Variants in COPS5 observed in about 807,000 individuals in gnomAD.
COPS5 encodes COP9 signalosome subunit 5.
In COPS5, 8 loss-of-function variants were observed where a neutral mutation model predicts 44.4. The observed-to-expected ratio is 0.18, with a 90% CI of 0.11 to 0.32. The LOEUF (loss-of-function observed/expected upper bound fraction) is 0.32, where lower values mean the gene tolerates loss of function less well. COPS5 is among the 10% of genes least tolerant of loss of function. The probability of loss-of-function intolerance (pLI) is 1.00; values close to 1 mark genes in which losing one functional copy is unlikely to be tolerated. For missense variants in COPS5, 159 were observed against 406.4 expected (o/e 0.39, Z 5.23); for synonymous variants, 122 against 142.8 (o/e 0.85, Z 1.04).
chr8:67,049,724 T>C (rs1364249426), intron 6 of COPS5, among the ~76,000 whole-genome samples: 1 of 152,178 alleles, frequency 6.6e-6, no homozygotes, highest in Non-Finnish European at 1.5e-5. Context: ...TGTACTCCTT[T>C]CAACCAATAC....
chr8:67,060,652 G>A, intron 1 of COPS5: 1 of 379,090 alleles, frequency 2.6e-6, no homozygotes, highest in Non-Finnish European at 4.7e-6. Flanking sequence ...CCAATAAGTA[G>A]GTCTTATTTC....
chr8:67,056,572 C>A lies in COPS5; in HGVS notation c.606G>T (p.Glu202Asp). Residue 202 changes from glutamate to aspartate, a missense_variant, in exon 5 of 8, where the codon GAG becomes GAT. Glu to Asp is a conservative substitution (Grantham distance 45). This residue lies in a region of COPS5 where 134 missense variants were observed against 376.7 expected (regional missense o/e 0.36). Transcript: ENST00000357849. ...TTTTATTAAGTGGAATAGTCTGGTA[C>A]TCAGAAGGTCCTTCATCAGGAGGTT... ...GYKPPDEGPS[E>D]YQTIPLNKIE... The A allele has an allele frequency of 1.4e-6, 2 of 1,456,190 alleles. No homozygotes were observed. Among genetic ancestry groups the A allele is most frequent in the South Asian group, 1.4e-5 (1 of 72,360 alleles). 90.2% of individuals were successfully genotyped at this position (1,456,190 alleles called of 1,614,324 possible). A position where few individuals can be genotyped will look rare whatever the true frequency, so the allele number is the denominator to read the frequency against.
At chr8:67,061,455 T>C (rs1317619201) in intron 1 of COPS5, 1 of 440,712 alleles carries the variant, frequency 2.3e-6, no homozygotes, top group African/African-American at 2.1e-5. Flanking sequence ...AAATAGCTCA[T>C]AGCTATTTTT....
intron 7 of COPS5, 200 bp downstream of exon 7, chr8:67,045,612 G>A: frequency 1.7e-6 from 1 of 580,094 alleles, no homozygotes; most frequent in Non-Finnish European, 3.0e-6. Context: ...GCCTTTTCAT[G>A]TTCTTACCTG....
chr8:67,059,713 A>C (rs1804558559), intron 1 of COPS5: 2 of 365,510 alleles, frequency 5.5e-6, no homozygotes, highest in Non-Finnish European at 1.0e-5. Context: ...TAACATGACC[A>C]GTTCAACAGA....
chr8:67,048,784 G>A (rs1585708905), intron 6 of COPS5, among the ~76,000 whole-genome samples: 1 of 150,310 alleles, frequency 6.7e-6, no homozygotes, highest in Non-Finnish European at 1.5e-5. Context: ...TGAATATAAT[G>A]CACCAAATTA....
At chr8:67,061,814 A>G (rs1366258071) in intron 1 of COPS5, 40 bp downstream of exon 1, 1 of 1,607,338 alleles carries the variant, frequency 6.2e-7, no homozygotes, top group African/African-American at 1.3e-5. Flanking sequence ...AAACTCCGCC[A>G]CCCTTTCCCT....
At chr8:67,054,347 T>G (rs1361363788) in intron 5 of COPS5, among the ~76,000 whole-genome samples, 3 of 152,186 alleles carry the variant, frequency 2.0e-5, no homozygotes, top group Non-Finnish European at 4.4e-5. Context: ...AATTGAGAGT[T>G]CCTCTGAAGA....
At chr8:67,060,852 C>T (rs779432730) in intron 1 of COPS5, 51 of 188,546 alleles carry the variant, frequency 2.7e-4, no homozygotes, top group Middle Eastern at 2.3e-3. Flanking sequence ...ATATACTGTA[C>T]TGGGTTGTCA....
At chr8:67,047,839 C>G (rs1816719273) in intron 6 of COPS5, 1 of 702,430 alleles carries the variant, frequency 1.4e-6, no homozygotes, top group African/African-American at 1.7e-5. Flanking sequence ...TCACTTCTGG[C>G]TGCTATTAAT....
Position 67,047,944 on chromosome 8 carries a change from C to T in COPS5, c.772-1984G>A. ...ACATATTTGCTATTATGATCATTCT[C>T]CATCCTAATTTGCTACTTCTGACTA... is the stretch of plus-strand genomic sequence containing the variant. On this transcript the variant is annotated intron_variant, in intron 6 of 7. Transcript: ENST00000357849. 4.3e-6 allele frequency: 3 copies of T among 701,042 alleles called. No individual in the cohort carries two copies. The South Asian group carries it at 4.4e-5, about 10-fold the overall frequency. The allele number at this position is 701,042 out of a possible 1,614,324, so 43.4% of individuals were successfully genotyped here.
At chr8:67,059,016 AC>A (rs374387088) in intron 2 of COPS5, among the ~76,000 whole-genome samples, 194 bp downstream of exon 2, 1 of 150,366 alleles carries the variant, frequency 6.7e-6, no homozygotes, top group Non-Finnish European at 1.5e-5. Flanking sequence ...AAAAAAAAAA[AC>A]AACAACAACA....
intron 5 of COPS5, among the ~76,000 whole-genome samples, chr8:67,055,709 T>C (rs1426770272): frequency 1.3e-5 from 2 of 151,692 alleles, no homozygotes; most frequent in African/African-American, 2.4e-5. Flanking sequence ...CTACTAAAAA[T>C]ACAAAAATTA....
chr8:67,056,006 A>G (rs1222668197), intron 5 of COPS5, among the ~76,000 whole-genome samples: 1 of 152,172 alleles, frequency 6.6e-6, no homozygotes, highest in Non-Finnish European at 1.5e-5. Context: ...TAGAAATTAT[A>G]TATTTTGAGG....
intron 5 of COPS5, among the ~76,000 whole-genome samples, chr8:67,055,535 T>A (rs1804489719): frequency 6.6e-6 from 1 of 152,110 alleles, no homozygotes; most frequent in South Asian, 2.1e-4. Context: ...ATTAAAATAA[T>A]TTAAGATATA....
chr8:67,056,799 T>TA lies in COPS5; in HGVS notation c.574-196dup, dbSNP rs1204900267. Among the ~76,000 whole-genome samples the TA allele has an allele frequency of 2.8e-4, 40 of 144,646 alleles. 1 individual carries two copies. The highest frequency in any genetic ancestry group is 1.5e-3 in the Admixed American group (21 of 14,384). The allele number at this position is 144,646 out of a possible 152,430, so 94.9% of individuals were successfully genotyped here. A position where few individuals can be genotyped will look rare whatever the true frequency, so the allele number is the denominator to read the frequency against. On this transcript the variant is annotated intron_variant, in intron 4 of 7. Coordinates refer to ENST00000357849, the MANE Select transcript of COPS5 (RefSeq NM_006837.3). ...CAAATATTTAACATGAGCATTCTAATAAAAAAAAAATACTGTTTCTACTTT... is the reference window on the plus strand; with the variant it reads ...CAAATATTTAACATGAGCATTCTAATAAAAAAAAAAATACTGTTTCTACTTT...
chr8:67,049,264 G>C (rs972408748), intron 6 of COPS5, among the ~76,000 whole-genome samples: 2 of 152,094 alleles, frequency 1.3e-5, no homozygotes, highest in African/African-American at 2.4e-5. Context: ...GGAGTTCAAC[G>C]CCAGCTTGGG....
intron 6 of COPS5, among the ~76,000 whole-genome samples, chr8:67,049,715 G>C (rs1585709424): frequency 6.6e-6 from 1 of 152,032 alleles, no homozygotes; most frequent in Admixed American, 6.6e-5. Context: ...AGTTTCAGCT[G>C]TACTCCTTTC....
Position 67,050,633 on chromosome 8 carries a change from G to GTA in COPS5, c.771+596_771+597insTA, listed in dbSNP as rs558996615. Among the ~76,000 whole-genome samples the GTA allele has an allele frequency of 2.5e-3, 387 of 151,768 alleles. 7 individuals are homozygous for GTA. The highest frequency in any genetic ancestry group is 8.8e-3 in the African/African-American group (365 of 41,340). Reference sequence around the variant, plus strand: ...TGTGAGAGTGTGTGTGTGTGTGTGTGTGTGTGTGTATCTTGACCTTCTTTT... The same window carrying GTA: ...TGTGAGAGTGTGTGTGTGTGTGTGTGTATGTGTGTGTATCTTGACCTTCTTTT... On this transcript the variant is annotated intron_variant, in intron 6 of 7. Transcript: ENST00000357849.
Sources: gnomAD v4.1 joint callset for allele counts (sites outside exome capture counted in the v4.1 genomes callset) on GRCh38, gnomAD v4.1.1 for gene constraint, gnomAD v4.1.1 regional missense constraint, MANE v1.5 for transcripts, NCBI Gene and HGNC (gene_info 2026-07-23, HGNC 2026-07-21) for gene names.